The following OSBPL9 variants were observed in gnomAD, a reference collection of about 807,000 sequenced individuals.
OSBPL9 encodes the protein oxysterol binding protein like 9, also known as oxysterol-binding protein-related protein 9.
A neutral mutation model predicts 106.6 loss-of-function variants in OSBPL9; 40 were observed. That is an observed-to-expected ratio of 0.38 (90% confidence interval 0.29 to 0.49). OSBPL9 has a LOEUF of 0.49. Ranked by LOEUF, OSBPL9 falls within the 20% of genes least tolerant of loss-of-function variation. The probability of loss-of-function intolerance (pLI) is 0.97; values close to 1 mark genes in which losing one functional copy is unlikely to be tolerated. For synonymous variants in OSBPL9, 269 were observed against 295.4 expected, an observed-to-expected ratio of 0.91 and a Z score of 0.92; for missense variants, 609 against 887.2, an observed-to-expected ratio of 0.69 and a Z score of 3.98.
intron 2 of OSBPL9, among the ~76,000 whole-genome samples, chr1:51,661,512 C>T (rs1458201731): frequency 6.6e-6 from 1 of 152,044 alleles, no homozygotes; most frequent in Non-Finnish European, 1.5e-5. Context: ...ATAGTGTGAC[C>T]CTGGAGCAAC....
At chr1:51,540,974 A>AC in the OSBPL9 span, among the ~76,000 whole-genome samples, 1 of 150,476 alleles carries the variant, frequency 6.6e-6, no homozygotes, top group African/African-American at 2.5e-5. Context: ...AAAAAAACAA[A>AC]AAAAAAATTA....
intron 11 of OSBPL9, among the ~76,000 whole-genome samples, chr1:51,763,297 C>A (rs192326456): frequency 6.6e-6 from 1 of 152,146 alleles, no homozygotes; most frequent in African/African-American, 2.4e-5. Flanking sequence ...TGAGCCACCG[C>A]GCCCAGCCTG....
intron 1 of OSBPL9, among the ~76,000 whole-genome samples, chr1:51,650,904 A>G (rs895893017): frequency 6.6e-6 from 1 of 152,240 alleles, no homozygotes; most frequent in African/African-American, 2.4e-5. Context: ...CAGTTTAGTA[A>G]GAGACACAGA....
At position 51,787,995 on chromosome 1, in the gene OSBPL9, C is replaced by A; in HGVS notation, c.*206C>A. 1 of 534,754 alleles carries A rather than the reference C, an allele frequency of 1.9e-6. No individual in the cohort carries two copies. Among genetic ancestry groups the A allele is most frequent in the South Asian group, 2.7e-5 (1 of 37,304 alleles). The allele number at this position is 534,754 out of a possible 1,614,324, so 33.1% of individuals were successfully genotyped here. On this transcript the variant is annotated 3_prime_UTR_variant, in exon 24 of 24. Transcript: ENST00000428468. ...TCTGTGGCAGTTACGATTTTGACTTCAGTCCTGAGAAAAACTTCAGGTTTT... is the reference window on the plus strand; with the variant it reads ...TCTGTGGCAGTTACGATTTTGACTTAAGTCCTGAGAAAAACTTCAGGTTTT...
At chr1:51,632,223 A>G (rs945160038) in intron 1 of OSBPL9, among the ~76,000 whole-genome samples, 1 of 152,198 alleles carries the variant, frequency 6.6e-6, no homozygotes, top group African/African-American at 2.4e-5. Flanking sequence ...ACATAATTGT[A>G]TGTGCTATAT....
In OSBPL9 at chr1:51,617,197, T is replaced by C; in HGVS notation, c.87T>C (p.Asn29=). 1 of 1,613,358 alleles carries C rather than the reference T, an allele frequency of 6.2e-7. No homozygotes were observed. Among genetic ancestry groups the C allele is most frequent in the Non-Finnish European group, 8.5e-7 (1 of 1,179,764 alleles). ...WQYRWFVLDY[N]AGLLSYYTSK... ...ACCGTTGGTTCGTGCTGGACTACAA[T>C]GCAGGACTGCTCTCCTACTACACGG... Residue 29 remains asparagine (N), a synonymous_variant, in exon 1 of 24, where the codon AAT becomes AAC. Transcript: ENST00000428468.
intron 3 of OSBPL9, among the ~76,000 whole-genome samples, chr1:51,673,086 C>T (rs187184141): frequency 4.2e-4 from 64 of 151,920 alleles, no homozygotes; most frequent in African/African-American, 1.5e-3. Flanking sequence ...ATTGAGAGGG[C>T]GCAAGATGAG....
intron 2 of OSBPL9, among the ~76,000 whole-genome samples, chr1:51,602,084 G>A (rs1645327595): frequency 1.6e-5 from 2 of 126,026 alleles, no homozygotes; most frequent in Admixed American, 1.1e-4. Context: ...GCAGTGGCGC[G>A]ATCTCGGCTC....
the OSBPL9 span, among the ~76,000 whole-genome samples, chr1:51,536,407 A>C: frequency 1.3e-5 from 2 of 152,124 alleles, no homozygotes; most frequent in Non-Finnish European, 2.9e-5. Context: ...TCCTGGGCTC[A>C]AGCGATCCTC....
At chr1:51,737,019 A>G (rs1665854717) in intron 4 of OSBPL9, among the ~76,000 whole-genome samples, 1 of 151,928 alleles carries the variant, frequency 6.6e-6, no homozygotes, top group African/African-American at 2.4e-5. Context: ...AGTCATGATC[A>G]TGTTGTTGGC....
At chr1:51,581,398 G>A (rs1249267203) in intron 1 of OSBPL9, among the ~76,000 whole-genome samples, 2 of 152,156 alleles carry the variant, frequency 1.3e-5, no homozygotes, top group Admixed American at 6.5e-5. Context: ...ACCTGACTGA[G>A]GCGGTATGTA....
Position 51,789,118 on chromosome 1 carries a change from G to A in OSBPL9, c.*1329G>A, listed in dbSNP as rs1303456835. 1 of 908,478 alleles carries A rather than the reference G, an allele frequency of 1.1e-6. No homozygotes were observed. The highest frequency in any genetic ancestry group is 1.7e-5 in the African/African-American group (1 of 60,430). The allele number at this position is 908,478 out of a possible 1,614,324, so 56.3% of individuals were successfully genotyped here. On this transcript the variant is annotated 3_prime_UTR_variant, in exon 24 of 24. Transcript: ENST00000428468. Reference sequence around the variant, plus strand: ...GGATAAAAAGTAAATCAAATGCTATGATGCCAGTGCAAAACTTCAATGGAA... The same window carrying A: ...GGATAAAAAGTAAATCAAATGCTATAATGCCAGTGCAAAACTTCAATGGAA...
chr1:51,778,831 A>T (rs938875298), intron 15 of OSBPL9, among the ~76,000 whole-genome samples: 5 of 152,342 alleles, frequency 3.3e-5, no homozygotes, highest in African/African-American at 1.2e-4. Flanking sequence ...ATTGTATAAC[A>T]CAGAGTCTTT....
At chr1:51,700,590 G>T (rs1657015648) in intron 3 of OSBPL9, among the ~76,000 whole-genome samples, 1 of 152,010 alleles carries the variant, frequency 6.6e-6, no homozygotes, top group African/African-American at 2.4e-5. Context: ...TTGCAATTAT[G>T]TATTTTTGGC....
chr1:51,610,836 C>T (rs1208098604), intron 2 of OSBPL9, among the ~76,000 whole-genome samples: 1 of 152,214 alleles, frequency 6.6e-6, no homozygotes, highest in Non-Finnish European at 1.5e-5. Context: ...CTACGTGAGG[C>T]ACTGTGCTAA....
intron 3 of OSBPL9, 173 bp downstream of exon 3, chr1:51,669,685 C>A: frequency 3.8e-4 from 214 of 558,692 alleles, no homozygotes; most frequent in East Asian, 5.0e-4. Context: ...TTTGTATCTG[C>A]AATGGATGTA....
the OSBPL9 span, chr1:51,569,863 G>A: frequency 1.3e-5 from 2 of 152,132 alleles, no homozygotes; most frequent in Non-Finnish European, 2.9e-5. Context: ...TGTGCTGAAA[G>A]CTTTGCACAC....
intron 3 of OSBPL9, among the ~76,000 whole-genome samples, chr1:51,696,762 A>G (rs1656096512): frequency 6.6e-6 from 1 of 152,230 alleles, no homozygotes; most frequent in African/African-American, 2.4e-5. Context: ...TAAGACTTCT[A>G]AATAAAACTA....
chr1:51,677,104 A>G (rs1334067457), intron 3 of OSBPL9, among the ~76,000 whole-genome samples: 1 of 152,232 alleles, frequency 6.6e-6, no homozygotes, highest in African/African-American at 2.4e-5. Flanking sequence ...AGGGATTCTT[A>G]AAGTGTGGTT....
Sources: gnomAD v4.1 joint callset for allele counts (sites outside exome capture counted in the v4.1 genomes callset) on GRCh38, gnomAD v4.1.1 for gene constraint, MANE v1.5 for transcripts, NCBI Gene and HGNC (gene_info 2026-07-23, HGNC 2026-07-21) for gene names.